Variants in KCNN2 observed in about 807,000 individuals in gnomAD.
KCNN2 encodes the protein potassium calcium-activated channel subfamily N member 2.
KCNN2 carries 24 observed loss-of-function variants against 55.5 expected under a neutral mutation model. The observed-to-expected ratio is 0.43, with a 90% CI of 0.31 to 0.61. The LOEUF is 0.61. Ranked by LOEUF, KCNN2 falls within the 20% of genes least tolerant of loss-of-function variation. The pLI, the probability that KCNN2 is intolerant of heterozygous loss-of-function variation, is 0.08. For synonymous variants in KCNN2, 431 were observed against 336.1 expected (o/e 1.28, Z -3.09); for missense variants, 754 against 853.6 (o/e 0.88, Z 1.45).
At chr5:114,260,874 T>G (rs1755094084) in intron 2 of KCNN2, among the ~76,000 whole-genome samples, 1 of 152,078 alleles carries the variant, frequency 6.6e-6, no homozygotes, top group South Asian at 2.1e-4. Context: ...TTGTCTGGAG[T>G]GAGGCAAGTC....
At chr5:114,373,477 G>A (rs957561118) in intron 2 of KCNN2, among the ~76,000 whole-genome samples, 2 of 150,288 alleles carry the variant, frequency 1.3e-5, no homozygotes, top group African/African-American at 2.4e-5. Context: ...TGTGTTGACT[G>A]TTTTTACAAC....
chr5:114,153,842 A>G (rs1752575023), intron 1 of KCNN2, among the ~76,000 whole-genome samples: 1 of 152,220 alleles, frequency 6.6e-6, no homozygotes. Context: ...CACGGGAGTG[A>G]GGAGACTGTG....
intron 1 of KCNN2, among the ~76,000 whole-genome samples, chr5:114,199,235 G>A (rs545238519): frequency 2.0e-5 from 3 of 152,142 alleles, no homozygotes; most frequent in African/African-American, 7.2e-5. Flanking sequence ...TATAACTAGA[G>A]TGACTCTTGA....
At chr5:114,394,396 A>G (rs1758554387) in intron 2 of KCNN2, among the ~76,000 whole-genome samples, 1 of 152,140 alleles carries the variant, frequency 6.6e-6, no homozygotes, top group African/African-American at 2.4e-5. Context: ...CCTTTGTGAT[A>G]GGTGTTGTGA....
chr5:114,249,910 T>G (rs1409270038), intron 2 of KCNN2, among the ~76,000 whole-genome samples: 1 of 152,166 alleles, frequency 6.6e-6, no homozygotes, highest in Admixed American at 6.5e-5. Context: ...TATGTTTAGT[T>G]ACATGTTATG....
intron 2 of KCNN2, among the ~76,000 whole-genome samples, chr5:114,293,427 A>G (rs910950450): frequency 6.6e-6 from 1 of 152,030 alleles, no homozygotes; most frequent in African/African-American, 2.4e-5. Context: ...GTCAAAGGCC[A>G]TTTCTGCATC....
At chr5:114,276,658 A>ATTTTTT (rs141201743) in intron 2 of KCNN2, among the ~76,000 whole-genome samples, 20 of 130,440 alleles carry the variant, frequency 1.5e-4, no homozygotes, top group African/African-American at 4.9e-4. Flanking sequence ...CAACCCCTGC[A>ATTTTTT]TTTTTTTTTT....
chr5:114,287,756 A>T (rs1755785029), intron 2 of KCNN2, among the ~76,000 whole-genome samples: 1 of 58,486 alleles, frequency 1.7e-5, no homozygotes, highest in Non-Finnish European at 4.2e-5. Context: ...GAACTTAAAT[A>T]AAAAAAAAAA....
intron 2 of KCNN2, among the ~76,000 whole-genome samples, chr5:114,237,947 ACC>A (rs1168127580): frequency 6.6e-6 from 1 of 152,156 alleles, no homozygotes; most frequent in Non-Finnish European, 1.5e-5. Context: ...GAGGAAGCAT[ACC>A]AGCTTCTGAC....
At chr5:114,469,277 TTC>T (rs1473006693) in intron 4 of KCNN2, among the ~76,000 whole-genome samples, 1 of 152,164 alleles carries the variant, frequency 6.6e-6, no homozygotes, top group Non-Finnish European at 1.5e-5. Flanking sequence ...TTATCCCTTT[TTC>T]TCTCTTTCAC....
rs61356539 is a variant in KCNN2 at position 114,373,640 on chromosome 5, T to TTATATATATATATATA, written c.1218+9642_1218+9657dup. The stretch of plus-strand genomic sequence containing the variant: ...CTCTCATGGTGTTGTTATGAAGATT[T>TTATATATATATATATA]TATATATATATATATATAAAATTAC... On this transcript the variant is annotated intron_variant, in intron 2 of 7. Transcript: ENST00000673685. Among the ~76,000 whole-genome samples the TTATATATATATATATA allele has an allele frequency of 8.9e-3, 503 of 56,692 alleles. 117 individuals carry two copies. The highest frequency in any genetic ancestry group is 0.012 in the Non-Finnish European group (316 of 25,666). The allele number at this position is 56,692 out of a possible 152,430, so 37.2% of individuals were successfully genotyped here. A position where few individuals can be genotyped will look rare whatever the true frequency, so the allele number is the denominator to read the frequency against.
intron 1 of KCNN2, among the ~76,000 whole-genome samples, chr5:114,198,871 T>A (rs148601070): frequency 6.6e-6 from 1 of 152,122 alleles, no homozygotes; most frequent in Non-Finnish European, 1.5e-5. Context: ...TGAAAAATGT[T>A]CCATGTGCTT....
chr5:114,319,786 T>A (rs533970236), intron 2 of KCNN2, among the ~76,000 whole-genome samples: 1 of 152,342 alleles, frequency 6.6e-6, no homozygotes, highest in South Asian at 2.1e-4. Context: ...TTCTCTTTTA[T>A]TAAGGTAAGT....
chr5:114,407,950 T>G (rs1404814117), intron 3 of KCNN2, among the ~76,000 whole-genome samples: 1 of 152,218 alleles, frequency 6.6e-6, no homozygotes, highest in African/African-American at 2.4e-5. Flanking sequence ...AGTTAGTGTT[T>G]CTACAAAGCA....
intron 2 of KCNN2, among the ~76,000 whole-genome samples, chr5:114,320,819 G>C (rs6895657): frequency 0.061 from 9,215 of 152,182 alleles, 297 homozygotes; most frequent in Non-Finnish European, 0.075. Context: ...TTGTTTGTTT[G>C]TTTGTTTTTA....
At chr5:114,381,306 C>G (rs546303116) in intron 2 of KCNN2, among the ~76,000 whole-genome samples, 7 of 152,110 alleles carry the variant, frequency 4.6e-5, no homozygotes, top group Non-Finnish European at 1.0e-4. Flanking sequence ...AGTCAGAGAT[C>G]ATTGGTTGAA....
At position 114,363,912 on chromosome 5, in the gene KCNN2, C is replaced by T; in HGVS notation, c.1129C>T (p.Leu377=). Residue 377 remains leucine (L), a synonymous_variant, in exon 2 of 8, where the codon CTG becomes TTG. Coordinates refer to ENST00000673685, the MANE Select transcript of KCNN2 (RefSeq NM_021614.4). The part of the protein sequence containing the change: ...LSWGAYDKAS[L]YSLALKCLIS... ...CTGTCTGACTGTGTTGCAGGCGTCG[C>T]TGTATTCCTTAGCTCTGAAATGCCT... 6.2e-7 allele frequency: 1 copy of T among 1,613,448 alleles called. No homozygotes were observed. The highest frequency in any genetic ancestry group is 2.2e-5 in the East Asian group (1 of 44,878).
intron 2 of KCNN2, among the ~76,000 whole-genome samples, chr5:114,243,341 C>G (rs1182559779): frequency 2.6e-5 from 4 of 152,082 alleles, no homozygotes; most frequent in Admixed American, 6.6e-5. Context: ...TACTCGTGGC[C>G]AGCTGAGGTC....
chr5:114,125,266 C>T (rs1299375689), intron 1 of KCNN2, among the ~76,000 whole-genome samples: 3 of 152,148 alleles, frequency 2.0e-5, no homozygotes, highest in Non-Finnish European at 2.9e-5. Context: ...CTTTAAAAGT[C>T]TTGATGAAAC....
Sources: gnomAD v4.1 joint callset for allele counts (sites outside exome capture counted in the v4.1 genomes callset) on GRCh38, gnomAD v4.1.1 for gene constraint, MANE v1.5 for transcripts, NCBI Gene and HGNC (gene_info 2026-07-23, HGNC 2026-07-21) for gene names.